Variants in INSRR observed in about 807,000 individuals in gnomAD.
The protein encoded by INSRR is insulin receptor-related protein.
Under a neutral mutation model 130.0 loss-of-function variants are expected in INSRR, and 114 were observed. The ratio of observed to expected loss-of-function variants is 0.88; its 90% CI spans 0.75 to 1.02. The LOEUF (loss-of-function observed/expected upper bound fraction) is 1.02, where lower values mean the gene tolerates loss of function less well. Ranked by LOEUF, INSRR falls within the 50% of genes least tolerant of loss-of-function variation. INSRR has a pLI of 0.00. For synonymous variants in INSRR, 674 were observed against 705.2 expected (o/e 0.96, Z 0.70); for missense variants, 1,657 against 1,735.2 (o/e 0.95, Z 0.80).
intron 11 of INSRR, 32 bp from the exon 12 acceptor site, chr1:156,845,328 C>G: frequency 6.2e-7 from 1 of 1,609,170 alleles, no homozygotes; most frequent in Non-Finnish European, 8.5e-7. Context: ...CAAGGCCCAG[C>G]CCCCAAAGCC....
rs756862919 is a variant in INSRR at position 156,842,169 on chromosome 1, G to A, written c.3340C>T (p.Arg1114Ter). Reference protein sequence around the residue: ...AYLAANKFVHRDLAARNCMVS... With the variant: ...AYLAANKFVH ...ATGCAGTTGCGGGCTGCTAGATCTC[G>A]GTGCACAAACTTGTTGGCAGCAAGG... is the stretch of plus-strand genomic sequence containing the variant. Residue 1114 changes from arginine to a stop codon, truncating the protein, a stop_gained, in exon 19 of 22, where the codon CGA becomes TGA. Coordinates refer to ENST00000368195, the MANE Select transcript of INSRR (RefSeq NM_014215.3). LOFTEE classifies it high-confidence loss of function. The A allele has an allele frequency of 5.6e-6, 9 of 1,613,982 alleles. No individual in the cohort carries two copies. The highest frequency in any genetic ancestry group is 2.2e-5 in the South Asian group (2 of 91,066).
Position 156,842,479 on chromosome 1 carries a change from G to A in INSRR, c.3156C>T (p.Gly1052=). The part of the protein sequence containing the change: ...VVRLLGVVSQ[G]QPTLVIMELM... ...ACTCCATGATGACCAGAGTTGGCTG[G>A]CCCTGAGATACCACACCCAGGAGAC... Residue 1052 remains glycine, a synonymous_variant, in exon 18 of 22, where the codon GGC becomes GGT. Coordinates refer to ENST00000368195, the MANE Select transcript of INSRR (RefSeq NM_014215.3). 6.2e-7 allele frequency: 1 copy of A among 1,614,026 alleles called. No homozygotes were observed.
intron 1 of INSRR, among the ~76,000 whole-genome samples, chr1:156,858,001 TC>T (rs1340204722): frequency 3.3e-5 from 5 of 152,044 alleles, no homozygotes; most frequent in African/African-American, 1.2e-4. Context: ...AGAGCAGTCT[TC>T]CCCCAAAACC....
Position 156,846,675 on chromosome 1 carries a change from G to A in INSRR, c.1654C>T (p.Leu552=), listed in dbSNP as rs1292373298. 3 of 1,614,184 alleles carry A rather than the reference G, an allele frequency of 1.9e-6. No individual in the cohort carries two copies. The highest frequency in any genetic ancestry group is 1.7e-5 in the Admixed American group (1 of 60,024). ...SWNLLDVELP[L]SRTQEPGVTL... Reference sequence around the variant, plus strand: ...ACCCCTGGCTCCTGGGTGCGGCTTAGGGGCAGCTCCACATCCAGCAGGTTC... The same window carrying A: ...ACCCCTGGCTCCTGGGTGCGGCTTAAGGGCAGCTCCACATCCAGCAGGTTC... The change falls in exon 8 of 22, where the codon CTA becomes TTA. Residue 552 remains leucine, a synonymous_variant. Transcript: ENST00000368195.
intron 7 of INSRR, among the ~76,000 whole-genome samples, chr1:156,847,681 G>A (rs1334206463): frequency 6.6e-6 from 1 of 151,982 alleles, no homozygotes; most frequent in African/African-American, 2.4e-5. Flanking sequence ...GGGGGTGGGG[G>A]CTCATAGTGG....
intron 12 of INSRR, 93 bp from the exon 13 acceptor site, chr1:156,844,936 G>A (rs1654935944): frequency 6.4e-7 from 1 of 1,573,934 alleles, no homozygotes; most frequent in Admixed American, 1.7e-5. Context: ...TGGGAGGTGG[G>A]GAAAGCTTTG....
rs751775465 is a variant in INSRR, at chr1:156,843,114, C to G, written c.3016G>C (p.Glu1006Gln). 1.9e-6 allele frequency: 3 copies of G among 1,614,050 alleles called. No individual in the cohort carries two copies. The African/African-American group carries it at 4.0e-5, about 22-fold the overall frequency. Residue 1006 changes from glutamate to glutamine, a missense_variant, in exon 17 of 22, where the codon GAG (glutamate) becomes CAG (glutamine). By Grantham distance (29) the Glu-to-Gln change is conservative. Coordinates refer to ENST00000368195, the MANE Select transcript of INSRR (RefSeq NM_014215.3). ...GTCTTCAGGGCCACGGGTGTGGACT[C>G]CTCTCCAGCCTCAAGTCCTCGTGCC... ...GLARGLEAGE[E>Q]STPVALKTVN...
intron 1 of INSRR, 31 bp downstream of exon 1, chr1:156,858,505 TA>T (rs1655490424): frequency 1.1e-5 from 17 of 1,569,578 alleles, no homozygotes; most frequent in African/African-American, 1.4e-5. Context: ...GGGAGGGAGG[TA>T]GGGGTCTGGG....
intron 14 of INSRR, 88 bp downstream of exon 14, chr1:156,844,374 G>A: frequency 6.4e-7 from 1 of 1,558,686 alleles, no homozygotes; most frequent in Non-Finnish European, 8.8e-7. Context: ...GTGAGGATGG[G>A]GAGGGATGCG....
intron 21 of INSRR, 117 bp from the exon 22 acceptor site, chr1:156,841,221 G>T: frequency 1.0e-6 from 1 of 982,894 alleles, no homozygotes; most frequent in Non-Finnish European, 1.6e-6. Flanking sequence ...TGCCTGGGAG[G>T]GTGAGAAGGG....
chr1:156,844,607 A>C lies in INSRR; in HGVS notation c.2592T>G (p.Cys864Trp), dbSNP rs765436024. 13 of 1,614,060 alleles carry C rather than the reference A, an allele frequency of 8.1e-6. No homozygotes were observed. In the African/African-American group the frequency reaches 1.7e-4, roughly 22 times the overall value. ...ACTTCGCATATCGAAGACGGGACAC[A>C]CACAGCACTGTGGCCTCCTGAGAGT... ...RRLGEEATVL[C>W]VSRLRYAKFG... The change falls in exon 14 of 22, where the codon TGT (cysteine) becomes TGG (tryptophan). Residue 864 changes from cysteine (C) to tryptophan (W), a missense_variant. Coordinates refer to ENST00000368195, the MANE Select transcript of INSRR (RefSeq NM_014215.3).
intron 7 of INSRR, among the ~76,000 whole-genome samples, chr1:156,848,640 G>T (rs1655091846): frequency 1.3e-5 from 2 of 152,190 alleles, no homozygotes; most frequent in Admixed American, 6.5e-5. Flanking sequence ...ATAATGAAGT[G>T]AAGTTTAATG....
chr1:156,852,554 T>C (rs1483154459), intron 2 of INSRR, among the ~76,000 whole-genome samples: 1 of 152,208 alleles, frequency 6.6e-6, no homozygotes, highest in African/African-American at 2.4e-5. Context: ...GGCCAGCCTC[T>C]CCTGAGCAGC....
intron 1 of INSRR, among the ~76,000 whole-genome samples, chr1:156,857,335 GCCCACTT>G (rs1352831251): frequency 2.0e-5 from 3 of 152,192 alleles, no homozygotes; most frequent in Non-Finnish European, 2.9e-5. Flanking sequence ...TCTCTCAGGC[GCCCACTT>G]CCCATCATGC....
At chr1:156,849,498 G>T in intron 5 of INSRR, 38 bp from the exon 6 acceptor site, 1 of 1,320,908 alleles carries the variant, frequency 7.6e-7, no homozygotes, top group Non-Finnish European at 1.1e-6. Context: ...GCGGGGAGGT[G>T]GGGGCAGGGG....
intron 7 of INSRR, among the ~76,000 whole-genome samples, 188 bp from the exon 8 acceptor site, chr1:156,846,945 C>T (rs1182897824): frequency 1.3e-5 from 2 of 152,148 alleles, no homozygotes; most frequent in Non-Finnish European, 2.9e-5. Flanking sequence ...ATATCTGTGT[C>T]AGTGAAATTT....
In INSRR at chr1:156,851,300, T is replaced by C. The variant is rs1376800637; in HGVS notation, c.1219A>G (p.Met407Val). 6.2e-7 allele frequency: 1 copy of C among 1,614,130 alleles called. No individual in the cohort carries two copies. The highest frequency in any genetic ancestry group is 8.5e-7 in the Non-Finnish European group (1 of 1,180,014). Residue 407 changes from methionine (M) to valine (V), a missense_variant, in exon 5 of 22, where the codon ATG (methionine) becomes GTG (valine). Physicochemically the swap from Met to Val is conservative, Grantham distance 21. Coordinates refer to ENST00000368195, the MANE Select transcript of INSRR (RefSeq NM_014215.3). ...AGGCCTAACCCTTACCCATCCACCA[T>C]GGCGTCTCCCCGGATTAGTTTGAGG... ...KNLKLIRGDA[M>V]VDGNYTLYVL... is the part of the protein sequence containing the mutation.
intron 1 of INSRR, among the ~76,000 whole-genome samples, chr1:156,855,197 T>TATCTATCTATCTATC (rs1655367779): frequency 6.8e-6 from 1 of 146,478 alleles, no homozygotes; most frequent in African/African-American, 2.7e-5. Flanking sequence ...TCTATCTATC[T>TATCTATCTATCTATC]ATCTATCTAT....
chr1:156,857,503 C>A (rs1456778807), intron 1 of INSRR, among the ~76,000 whole-genome samples: 1 of 152,164 alleles, frequency 6.6e-6, no homozygotes, highest in East Asian at 1.9e-4. Flanking sequence ...AAATACTAGC[C>A]CCTCCAAGGA....
Sources: allele counts gnomAD v4.1 joint callset (sites outside exome capture counted in the v4.1 genomes callset), GRCh38; gene constraint gnomAD v4.1.1; transcripts MANE v1.5; gene names NCBI Gene and HGNC (gene_info 2026-07-23, HGNC 2026-07-21).